EZH1: variants seen among roughly 807,000 people sequenced by gnomAD.
EZH1 encodes the protein histone-lysine N-methyltransferase EZH1.
A neutral mutation model predicts 100.5 loss-of-function variants in EZH1; 33 were observed. That is an observed-to-expected ratio of 0.33 (90% CI 0.25 to 0.44). The LOEUF (loss-of-function observed/expected upper bound fraction) is 0.44, where lower values mean the gene tolerates loss of function less well. Ranked by LOEUF, EZH1 falls within the 20% of genes least tolerant of loss-of-function variation. The probability of loss-of-function intolerance (pLI) is 1.00; values close to 1 mark genes in which losing one functional copy is unlikely to be tolerated. For missense variants in EZH1, 475 were observed against 928.4 expected (o/e 0.51, Z 6.35); for synonymous variants, 272 against 313.8 (o/e 0.87, Z 1.41).
intron 6 of EZH1, among the ~76,000 whole-genome samples, chr17:42,720,671 T>G (rs930435820): frequency 7.2e-6 from 1 of 139,094 alleles, no homozygotes; most frequent in Non-Finnish European, 1.7e-5. Context: ...ATTTTTATTA[T>G]TTTTTTTAGA....
intron 4 of EZH1, among the ~76,000 whole-genome samples, chr17:42,724,822 A>G (rs373770313): frequency 5.9e-5 from 9 of 151,990 alleles, no homozygotes; most frequent in Non-Finnish European, 1.0e-4. Flanking sequence ...AGTAGCCTCT[A>G]GTTCTTACAA....
chr17:42,724,258 C>T (rs1249183493), intron 5 of EZH1, 47 bp downstream of exon 5: 1 of 1,605,414 alleles, frequency 6.2e-7, no homozygotes, highest in Non-Finnish European at 8.5e-7. Flanking sequence ...ATCAACATAA[C>T]ACAATCATAC....
At chr17:42,703,087 C>G (rs902129290) in intron 19 of EZH1, 126 bp from the exon 20 acceptor site, 1 of 872,824 alleles carries the variant, frequency 1.1e-6, no homozygotes, top group Non-Finnish European at 1.9e-6. Context: ...AGAAAGTAGT[C>G]AATATGGTAG....
chr17:42,704,503 G>C (rs1230099740), intron 18 of EZH1, 99 bp downstream of exon 18: 1 of 884,966 alleles, frequency 1.1e-6, no homozygotes, highest in African/African-American at 1.7e-5. Context: ...AGCCAAGATC[G>C]CACCATTGCA....
chr17:42,723,161 G>A (rs904282581), intron 5 of EZH1, among the ~76,000 whole-genome samples: 1 of 152,176 alleles, frequency 6.6e-6, no homozygotes, highest in Non-Finnish European at 1.5e-5. Context: ...CGGATCATGA[G>A]GTCAGGAGAT....
At chr17:42,729,408 A>AAAAAC (rs1350573080) in intron 2 of EZH1, among the ~76,000 whole-genome samples, 1 of 152,120 alleles carries the variant, frequency 6.6e-6, no homozygotes, top group Non-Finnish European at 1.5e-5. Context: ...CCTTGTCTCA[A>AAAAAC]AAAACAAAAC....
chr17:42,712,924 G>C (rs1410252264), intron 11 of EZH1, among the ~76,000 whole-genome samples: 1 of 151,106 alleles, frequency 6.6e-6, no homozygotes, highest in Non-Finnish European at 1.5e-5. Flanking sequence ...TGTAATCCCA[G>C]CTACTTGGGA....
chr17:42,706,106 T>C lies in EZH1; in HGVS notation c.1740A>G (p.Glu580=), dbSNP rs1168937675. The C allele has an allele frequency of 6.2e-7, 1 of 1,614,120 alleles. No homozygotes were observed. The highest frequency in any genetic ancestry group is 2.2e-5 in the East Asian group (1 of 44,884). The change falls in exon 16 of 21, where the codon GAA becomes GAG. Residue 580 remains glutamate, a synonymous_variant. Transcript: ENST00000428826. This position sits in a 1 kb window ranked among gnomAD's most constrained non-coding sequence, Gnocchi z 4.4. ...KQCPCYLAVR[E]CDPDLCLTCG... ...AGGTGAGACACAGGTCAGGGTCACA[T>C]TCTCGCACTGCCAGATAGCAAGGAC...
intron 7 of EZH1, 86 bp from the exon 8 acceptor site, chr17:42,719,293 G>T: frequency 9.5e-7 from 1 of 1,047,156 alleles, no homozygotes; most frequent in Non-Finnish European, 1.5e-6. Context: ...TTTTGTCATA[G>T]CATTTTGATT....
At position 42,718,614 on chromosome 17, in the gene EZH1, A is replaced by G; in HGVS notation, c.771T>C (p.Tyr257=). ...GGTCTGACATCTCTGTTAGTTCTCG[A>G]TACCTATTTAAGAAAAGAGAGATAA... ...NGVPDDMKER[Y]RELTEMSDPN... The change falls in exon 9 of 21, where the codon TAT becomes TAC. Residue 257 remains tyrosine, a synonymous_variant. Coordinates refer to ENST00000428826, the MANE Select transcript of EZH1 (RefSeq NM_001991.5). This position sits in a 1 kb window ranked among gnomAD's most constrained non-coding sequence, Gnocchi z 4.2. The G allele has an allele frequency of 1.2e-6, 2 of 1,614,142 alleles. No individual in the cohort carries two copies. The highest frequency in any genetic ancestry group is 2.7e-5 in the African/African-American group (2 of 75,052).
intron 4 of EZH1, among the ~76,000 whole-genome samples, 166 bp downstream of exon 4, chr17:42,727,469 C>T (rs1165987054): frequency 1.3e-5 from 2 of 152,104 alleles, no homozygotes; most frequent in Non-Finnish European, 2.9e-5. Flanking sequence ...TCTCAAACTC[C>T]TCACCTCAAG....
chr17:42,742,833 C>A (rs949074617), intron 1 of EZH1, among the ~76,000 whole-genome samples: 3 of 152,046 alleles, frequency 2.0e-5, no homozygotes, highest in Non-Finnish European at 4.4e-5. Context: ...AGTCCTTTCT[C>A]CTATTATGTA....
intron 13 of EZH1, 100 bp downstream of exon 13, chr17:42,709,746 C>T (rs547446559): frequency 2.2e-5 from 24 of 1,071,064 alleles, no homozygotes; most frequent in East Asian, 4.8e-5. Context: ...ACAGCCTGTG[C>T]GGTTGCTAAA....
At chr17:42,736,902 A>G (rs2054075347) in intron 1 of EZH1, among the ~76,000 whole-genome samples, 1 of 152,108 alleles carries the variant, frequency 6.6e-6, no homozygotes, top group Non-Finnish European at 1.5e-5. Flanking sequence ...AGTGAAAAAA[A>G]TAAGACGCAA....
Position 42,724,293 on chromosome 17 carries a change from T to C in EZH1, c.366+12A>G. 1.2e-6 allele frequency: 2 copies of C among 1,613,382 alleles called. No individual in the cohort carries two copies. Among genetic ancestry groups the C allele is most frequent in the South Asian group, 2.2e-5 (2 of 91,058 alleles). Reference sequence around the variant, plus strand: ...CAGTTTAAATAACCACCACAGTGCTTTCAATACATACCATAAAGTTCTGTT... The same window carrying C: ...CAGTTTAAATAACCACCACAGTGCTCTCAATACATACCATAAAGTTCTGTT... On this transcript the variant is annotated intron_variant, in intron 5 of 20. Coordinates refer to ENST00000428826, the MANE Select transcript of EZH1 (RefSeq NM_001991.5).
At chr17:42,709,727 T>C in intron 13 of EZH1, 119 bp downstream of exon 13, 1 of 868,382 alleles carries the variant, frequency 1.2e-6, no homozygotes, top group Non-Finnish European at 1.8e-6. Flanking sequence ...GCCAAGCTGA[T>C]GGGCTCACAC....
intron 4 of EZH1, among the ~76,000 whole-genome samples, chr17:42,725,783 T>G (rs942912929): frequency 6.6e-6 from 1 of 152,212 alleles, no homozygotes; most frequent in Non-Finnish European, 1.5e-5. Context: ...CTTAGCTGCA[T>G]AGGTGATAGG....
chr17:42,709,024 G>GATACTCCCC, intron 13 of EZH1, 108 bp from the exon 14 acceptor site: 1 of 1,272,848 alleles, frequency 7.9e-7, no homozygotes, highest in Non-Finnish European at 1.1e-6. Flanking sequence ...GATGACTGGG[G>GATACTCCCC]AGTATCTTCC....
intron 20 of EZH1, 136 bp downstream of exon 20, chr17:42,702,741 A>G: frequency 7.9e-7 from 1 of 1,265,908 alleles, no homozygotes; most frequent in Non-Finnish European, 1.1e-6. Context: ...AGATATCAGA[A>G]CAAGGGACAC....
Sources: gnomAD v4.1 joint callset for allele counts (sites outside exome capture counted in the v4.1 genomes callset) on GRCh38, gnomAD v4.1.1 for gene constraint, Gnocchi (gnomAD v3.1) non-coding constraint, MANE v1.5 for transcripts, NCBI Gene and HGNC (gene_info 2026-07-23, HGNC 2026-07-21) for gene names.